Variants in LYZL2 observed in about 807,000 individuals in gnomAD.
LYZL2 encodes the protein lysozyme-like protein 2.
LYZL2 carries 13 observed loss-of-function variants against 17.1 expected under a neutral mutation model. The observed-to-expected ratio is 0.76, with a 90% CI of 0.49 to 1.21. The LOEUF (loss-of-function observed/expected upper bound fraction) is 1.21, where lower values mean the gene tolerates loss of function less well. Ranked by LOEUF, LYZL2 falls within the 50% of genes most tolerant of loss-of-function variation. The pLI is 0.00. For missense variants in LYZL2, 166 were observed against 189.2 expected, an observed-to-expected ratio of 0.88 and a Z score of 0.72; for synonymous variants, 63 against 74.4, an observed-to-expected ratio of 0.85 and a Z score of 0.79.
intron 3 of LYZL2, among the ~76,000 whole-genome samples, chr10:30,614,411 C>T (rs1466536287): frequency 6.6e-6 from 1 of 152,226 alleles, no homozygotes; most frequent in Non-Finnish European, 1.5e-5. Flanking sequence ...AATGCCTCTG[C>T]CTCACACGTC....
chr10:30,612,714 T>A (rs1838463197), intron 4 of LYZL2, 108 bp downstream of exon 4: 3 of 783,936 alleles, frequency 3.8e-6, no homozygotes, highest in Non-Finnish European at 6.5e-6. Context: ...CTTCCATTGG[T>A]TGGACCACTC....
intron 3 of LYZL2, among the ~76,000 whole-genome samples, chr10:30,621,960 T>C (rs1176854249): frequency 6.6e-6 from 1 of 152,124 alleles, no homozygotes; most frequent in Non-Finnish European, 1.5e-5. Context: ...GAAAAATGCA[T>C]GACAATACAG....
At chr10:30,618,155 A>G (rs1016455399) in intron 3 of LYZL2, among the ~76,000 whole-genome samples, 2 of 152,076 alleles carry the variant, frequency 1.3e-5, no homozygotes, top group African/African-American at 4.8e-5. Context: ...ACTACAAACC[A>G]CTGCTCAAGG....
rs1406306126 is a variant in LYZL2, at chr10:30,616,390, A to G, written c.299-3490T>C. On this transcript the variant is annotated intron_variant, in intron 3 of 4. Transcript: ENST00000647634. ...AAAACTAAAGCTATATCAGCTTATA[A>G]AATTCTCTTGCCAGCCTGGTGCGGT... 5.9e-5 allele frequency among the ~76,000 whole-genome samples: 9 copies of G among 152,368 alleles called. 1 individual carries two copies. The Middle Eastern group carries it at 0.017, about 288-fold the overall frequency.
chr10:30,609,293 C>A (rs1022223424), downstream of LYZL2, among the ~76,000 whole-genome samples: 1 of 152,162 alleles, frequency 6.6e-6, no homozygotes, highest in Non-Finnish European at 1.5e-5. Context: ...ATGGCACACA[C>A]CAGCCACGAG....
Position 30,626,850 on chromosome 10 carries a change from G to C in LYZL2, c.66C>G (p.Tyr22Ter), listed in dbSNP as rs534148612. 6.2e-7 allele frequency: 1 copy of C among 1,614,244 alleles called. No homozygotes were observed. The highest frequency in any genetic ancestry group is 1.1e-5 in the South Asian group (1 of 91,088). Residue 22 changes from tyrosine (Y) to a stop codon, truncating the protein, a stop_gained, in exon 2 of 5, where the codon TAC becomes TAG. Coordinates refer to ENST00000647634, the MANE Select transcript of LYZL2 (RefSeq NM_183058.3). LOFTEE classifies it high-confidence loss of function. ...ATATTTTTGCCAGTTTGCAACGAGTGTAGATTTTGGACTCGGCGCCTGTGA... is the reference window on the plus strand; with the variant it reads ...ATATTTTTGCCAGTTTGCAACGAGTCTAGATTTTGGACTCGGCGCCTGTGA... ...CLVTGAESKI[Y>*]TRCKLAKIFS...
At chr10:30,620,530 TCTTTTAAACTAA>T (rs1838603937) in intron 3 of LYZL2, among the ~76,000 whole-genome samples, 3 of 152,248 alleles carry the variant, frequency 2.0e-5, no homozygotes, top group Non-Finnish European at 2.9e-5. Flanking sequence ...TTGTTGAAAT[TCTTTTAAACTAA>T]GAAGACAGGA....
At chr10:30,615,725 G>A (rs757582401) in intron 3 of LYZL2, among the ~76,000 whole-genome samples, 27 of 152,154 alleles carry the variant, frequency 1.8e-4, no homozygotes, top group Admixed American at 7.2e-4. Context: ...ATAAAAAATT[G>A]TAATTAATTA....
intron 3 of LYZL2, among the ~76,000 whole-genome samples, chr10:30,617,799 A>C (rs7094810): frequency 0.49 from 74,736 of 151,630 alleles, 19,185 homozygotes; most frequent in Middle Eastern, 0.56. Context: ...ACTCCTATTC[A>C]ACATAGTGTT....
At chr10:30,613,603 T>A (rs1322804975) in intron 3 of LYZL2, among the ~76,000 whole-genome samples, 2 of 152,192 alleles carry the variant, frequency 1.3e-5, no homozygotes, top group Admixed American at 1.3e-4. Context: ...AAATTTTGTC[T>A]ATTGTCATTT....
downstream of LYZL2, among the ~76,000 whole-genome samples, chr10:30,609,817 C>G (rs1393683544): frequency 6.6e-6 from 1 of 152,120 alleles, no homozygotes; most frequent in African/African-American, 2.4e-5. Flanking sequence ...TTTCTGAAGG[C>G]ATTAATTATG....
At chr10:30,615,968 C>G (rs1838522406) in intron 3 of LYZL2, among the ~76,000 whole-genome samples, 1 of 152,054 alleles carries the variant, frequency 6.6e-6, no homozygotes, top group Non-Finnish European at 1.5e-5. Context: ...GCTTTTATGT[C>G]TTTACTGTAT....
intron 1 of LYZL2, 36 bp from the exon 2 acceptor site, chr10:30,626,976 G>C: frequency 6.2e-7 from 1 of 1,610,798 alleles, no homozygotes; most frequent in Non-Finnish European, 8.5e-7. Flanking sequence ...AGACGATCTT[G>C]ATTCAGGAAC....
chr10:30,609,458 A>T (rs1838409140), downstream of LYZL2, among the ~76,000 whole-genome samples: 5 of 152,248 alleles, frequency 3.3e-5, no homozygotes, highest in Admixed American at 3.3e-4. Flanking sequence ...TGGGTATAAA[A>T]GGAATCAAGA....
At chr10:30,607,043 T>C (rs1838384714), downstream of LYZL2, among the ~76,000 whole-genome samples, 1 of 151,586 alleles carries the variant, frequency 6.6e-6, no homozygotes, top group Admixed American at 6.6e-5. Flanking sequence ...CCTGAGTAGC[T>C]GGGATTACAG....
intron 3 of LYZL2, among the ~76,000 whole-genome samples, chr10:30,625,355 C>G (rs1299675003): frequency 6.6e-6 from 1 of 152,152 alleles, no homozygotes; most frequent in Non-Finnish European, 1.5e-5. Flanking sequence ...TGGCTCCACC[C>G]ACATTGCCCA....
chr10:30,619,027 G>C (rs1235818978), intron 3 of LYZL2, among the ~76,000 whole-genome samples: 2 of 152,216 alleles, frequency 1.3e-5, no homozygotes, highest in African/African-American at 4.8e-5. Context: ...TATATGAACA[G>C]ACACTTCTCA....
intron 3 of LYZL2, among the ~76,000 whole-genome samples, chr10:30,625,639 G>A (rs764067777): frequency 7.2e-5 from 11 of 152,118 alleles, no homozygotes; most frequent in Non-Finnish European, 1.2e-4. Context: ...AGCTATGAAC[G>A]CACCACTACA....
downstream of LYZL2, chr10:30,611,679 G>GGAA (rs1838443573): frequency 7.7e-6 from 2 of 261,076 alleles, no homozygotes. Context: ...GAGAAAGAAA[G>GGAA]GAAGGAAGGA....
Sources: gnomAD v4.1 joint callset for allele counts (sites outside exome capture counted in the v4.1 genomes callset) on GRCh38, gnomAD v4.1.1 for gene constraint, MANE v1.5 for transcripts, NCBI Gene and HGNC (gene_info 2026-07-23, HGNC 2026-07-21) for gene names.